Variants in PTPRB observed in about 807,000 individuals in gnomAD.
The protein encoded by PTPRB is receptor-type tyrosine-protein phosphatase beta.
A neutral mutation model predicts 238.1 loss-of-function variants in PTPRB; 97 were observed. The observed-to-expected ratio is 0.41, with a 90% CI of 0.35 to 0.48. The LOEUF (loss-of-function observed/expected upper bound fraction) is 0.48. Ranked by LOEUF, PTPRB falls within the 20% of genes least tolerant of loss-of-function variation. The pLI is 0.30. For synonymous variants in PTPRB, 970 were observed against 995.4 expected (o/e 0.97, Z 0.48); for missense variants, 2,292 against 2,681.9 (o/e 0.85, Z 3.21).
rs1260450175 is a variant in PTPRB, at chr12:70,519,678, T to G, written c.*1811A>C. On this transcript the variant is annotated 3_prime_UTR_variant, in exon 34 of 34. Coordinates refer to ENST00000334414, the MANE Select transcript of PTPRB (RefSeq NM_001109754.4). ...TCTAATGGATGCCACACGTTGTAGATCTCTGACCTCTATTTTCTCGCTGGT... is the reference window on the plus strand; with the variant it reads ...TCTAATGGATGCCACACGTTGTAGAGCTCTGACCTCTATTTTCTCGCTGGT... 2 of 152,320 alleles carry G rather than the reference T, an allele frequency of 1.3e-5. No individual in the cohort carries two copies. Among genetic ancestry groups the G allele is most frequent in the Non-Finnish European group, 2.9e-5 (2 of 68,120 alleles). The allele number at this position is 152,320 out of a possible 1,614,324, so 9.4% of individuals were successfully genotyped here. A position where few individuals can be genotyped will look rare whatever the true frequency, so the allele number is the denominator to read the frequency against.
At chr12:70,536,532 T>TAATC (rs766135101) in intron 28 of PTPRB, among the ~76,000 whole-genome samples, 1 of 152,208 alleles carries the variant, frequency 6.6e-6, no homozygotes, top group Non-Finnish European at 1.5e-5. Context: ...TCATTTTGGA[T>TAATC]AATCAATGTC....
intron 7 of PTPRB, among the ~76,000 whole-genome samples, chr12:70,590,682 TC>T (rs144367776): frequency 4.3e-4 from 65 of 150,954 alleles, no homozygotes; most frequent in African/African-American, 1.5e-3. Flanking sequence ...CATTTTTGGC[TC>T]TTTAAGTTCA....
At chr12:70,617,347 A>G (rs150583356) in intron 3 of PTPRB, among the ~76,000 whole-genome samples, 2 of 152,338 alleles carry the variant, frequency 1.3e-5, no homozygotes, top group African/African-American at 4.8e-5. Flanking sequence ...AGTTCTTTTG[A>G]AACGTATCCT....
Position 70,560,633 on chromosome 12 carries a change from C to T in PTPRB, c.4432+38G>A. ...CAAAATGTGTCTCTGGAAGCTACTT[C>T]CCACCATCCCTTGGCCATTGGCACC... On this transcript the variant is annotated intron_variant, in intron 17 of 33. Transcript: ENST00000334414. The surrounding 1 kb of genome is among the most constrained non-coding windows in gnomAD (Gnocchi z 4.2). 6.2e-7 allele frequency: 1 copy of T among 1,605,726 alleles called. No individual in the cohort carries two copies. Among genetic ancestry groups the T allele is most frequent in the African/African-American group, 1.3e-5 (1 of 74,750 alleles).
rs973626096 is a variant in PTPRB at position 70,534,926 on chromosome 12, G to GTCCGCTGGC, written c.6102_6110dup (p.Ala2036_Asp2037insGluProAla). The GTCCGCTGGC allele has an allele frequency of 4.3e-6, 7 of 1,613,668 alleles. No individual in the cohort carries two copies. In the African/African-American group the frequency reaches 9.3e-5, roughly 22 times the overall value. On this transcript the variant is annotated inframe_insertion, in exon 30 of 34. Coordinates refer to ENST00000334414, the MANE Select transcript of PTPRB (RefSeq NM_001109754.4). ...GGTCCCCATAGTAGAGGGAATCCTG[G>GTCCGCTGGC]TCCGCTGGCCAGTAATGATCACACT...
At position 70,576,675 on chromosome 12, in the gene PTPRB, G is replaced by GGC. The variant is rs1555230236; in HGVS notation, c.2579-31_2579-30insGC. On this transcript the variant is annotated intron_variant, in intron 10 of 33. Coordinates refer to ENST00000334414, the MANE Select transcript of PTPRB (RefSeq NM_001109754.4). ...GATTTTGAAAGGTGGGGGGCGGGGGGGGGGGGGAAGGGGGATTCAAAAAGA... is the reference window on the plus strand; with the variant it reads ...GATTTTGAAAGGTGGGGGGCGGGGGGGCGGGGGGGAAGGGGGATTCAAAAAGA... The GGC allele has an allele frequency of 1.1e-5, 3 of 267,186 alleles. 1 individual carries two copies. The highest frequency in any genetic ancestry group is 9.2e-5 in the African/African-American group (3 of 32,628). The allele number at this position is 267,186 out of a possible 1,614,324, so 16.6% of individuals were successfully genotyped here.
At chr12:70,526,337 G>T (rs560710279) in intron 32 of PTPRB, among the ~76,000 whole-genome samples, 1 of 152,130 alleles carries the variant, frequency 6.6e-6, no homozygotes, top group African/African-American at 2.4e-5. Flanking sequence ...TGAGTAGTTG[G>T]GATTATAGGT....
rs112670000 is a variant in PTPRB, at chr12:70,566,569, C to T, written c.3770G>A (p.Arg1257His). The T allele has an allele frequency of 5.6e-5, 90 of 1,613,808 alleles. No homozygotes were observed. Among genetic ancestry groups the T allele is most frequent in the African/African-American group, 9.3e-5 (7 of 74,878 alleles). The change falls in exon 15 of 34, where the codon CGC becomes CAC. Residue 1257 changes from arginine (R) to histidine (H), a missense_variant. Physicochemically the swap from Arg to His is conservative, Grantham distance 29 (BLOSUM62 0). Around this residue, in one of 4 missense-constraint regions of PTPRB, gnomAD observed 683 missense variants for 862.0 expected, o/e 0.79. Coordinates refer to ENST00000334414, the MANE Select transcript of PTPRB (RefSeq NM_001109754.4). The part of the protein sequence containing the change: ...LLLTENGILL[R>H]NTSEPATTKQ... ...AGTGGTGGCTGGCTCTGATGTGTTG[C>T]GCAGAAGGATTCCATTTTCAGTTAG...
rs1398363475 is a variant in PTPRB, at chr12:70,566,795, TAGA to T, written c.3635-94_3635-92del. 2.0e-5 allele frequency: 26 copies of T among 1,322,480 alleles called. 1 individual carries two copies. In the Admixed American group the frequency reaches 4.9e-4, roughly 25 times the overall value. 81.9% of individuals were successfully genotyped at this position (1,322,480 alleles called of 1,614,324 possible). On this transcript the variant is annotated intron_variant, in intron 14 of 33. Transcript: ENST00000334414. ...GAAAAACTCCTGAATCAACTGCAGG[TAGA>T]AGATGATGCATTTGCTTTATTTGTG...
intron 2 of PTPRB, among the ~76,000 whole-genome samples, chr12:70,629,728 G>T (rs1477257145): frequency 6.6e-6 from 1 of 151,688 alleles, no homozygotes; most frequent in Non-Finnish European, 1.5e-5. Flanking sequence ...AAACAGAGAA[G>T]AATCAAATAG....
intron 3 of PTPRB, among the ~76,000 whole-genome samples, chr12:70,621,583 T>C (rs1217182427): frequency 1.3e-5 from 2 of 152,214 alleles, no homozygotes; most frequent in Admixed American, 6.5e-5. Flanking sequence ...TAATGAAACA[T>C]GTGCTCACCA....
chr12:70,559,840 C>T (rs915306949), intron 17 of PTPRB, among the ~76,000 whole-genome samples: 55 of 118,024 alleles, frequency 4.7e-4, no homozygotes, highest in Middle Eastern at 4.5e-3. Flanking sequence ...TTTTTTTTCA[C>T]TTTTTTTTTT....
In PTPRB at chr12:70,539,836, T is replaced by C; in HGVS notation, c.5687A>G (p.Lys1896Arg). ...HLNLGQKGNR[K>R]TSCPIKINQF... ...GTGTTCTCTCTCTTACCAAGAAGTT[T>C]TCCGGTTACTGTGAAGAGAAGCCAA... The change falls in exon 25 of 34, where the codon AAA (lysine) becomes AGA (arginine). Residue 1896 changes from lysine to arginine, a missense_variant. Physicochemically the swap from Lys to Arg is conservative, Grantham distance 26. This residue lies in a region of PTPRB where 397 missense variants were observed against 502.0 expected (regional missense o/e 0.79). Transcript: ENST00000334414. 1 of 1,590,746 alleles carries C rather than the reference T, an allele frequency of 6.3e-7. No homozygotes were observed. The highest frequency in any genetic ancestry group is 8.6e-7 in the Non-Finnish European group (1 of 1,158,680).
At chr12:70,522,584 C>G (rs1871769983) in intron 33 of PTPRB, 1 of 152,126 alleles carries the variant, frequency 6.6e-6, no homozygotes, top group Admixed American at 6.6e-5. Flanking sequence ...GCAGGAGGAC[C>G]CTTCTAGTCA....
At chr12:70,530,775 G>A (rs139197696) in intron 32 of PTPRB, among the ~76,000 whole-genome samples, 253 of 152,282 alleles carry the variant, frequency 1.7e-3, no homozygotes, top group African/African-American at 5.4e-3. Context: ...ATGGGCTCTT[G>A]CTATGTGGCC....
Position 70,516,663 on chromosome 12 carries a change from A to C in PTPRB, c.*4826T>G, listed in dbSNP as rs1190030606. The C allele has an allele frequency of 6.6e-6, 1 of 152,226 alleles. No individual in the cohort carries two copies. The highest frequency in any genetic ancestry group is 2.4e-5 in the African/African-American group (1 of 41,468). The allele number at this position is 152,226 out of a possible 1,614,324, so 9.4% of individuals were successfully genotyped here. On this transcript the variant is annotated 3_prime_UTR_variant, in exon 34 of 34. Transcript: ENST00000334414. ...CTTGGGGTGAGGATATTATTTATTA[A>C]AATAGCTATAACCAATTCTTTTTGT...
At position 70,563,039 on chromosome 12, in the gene PTPRB, C is replaced by T. The variant is rs200923003; in HGVS notation, c.3973G>A (p.Ala1325Thr). Residue 1325 changes from alanine to threonine, a missense_variant, in exon 16 of 34, where the codon GCC (alanine) becomes ACC (threonine). Physicochemically the swap from Ala to Thr is moderately conservative, Grantham distance 58 (BLOSUM62 0). Transcript: ENST00000334414. ...STRHLSFRWT[A>T]SEGELSWYNI... ...TACCAGCTGAGCTCCCCCTCTGAGG[C>T]GGTCCAGCGGAAGGACAGGTGCCTG... 2.5e-5 allele frequency: 41 copies of T among 1,613,728 alleles called. No individual in the cohort carries two copies. Among genetic ancestry groups the T allele is most frequent in the African/African-American group, 5.3e-5 (4 of 74,902 alleles).
Position 70,538,928 on chromosome 12 carries a change from C to T in PTPRB, c.5865G>A (p.Leu1955=). 1 of 1,611,474 alleles carries T rather than the reference C, an allele frequency of 6.2e-7. No homozygotes were observed. Among genetic ancestry groups the T allele is most frequent in the Non-Finnish European group, 8.5e-7 (1 of 1,178,352 alleles). ...NRGKNRYNNI[L]PYDATRVKLS... is the part of the protein sequence containing the mutation. ...AAATTTTGACACAAAACTTACAGGG[C>T]AATATATTGTTGTATCGATTTTTCC... The change falls in exon 27 of 34, where the codon TTG becomes TTA. Residue 1955 remains leucine, a synonymous_variant. Coordinates refer to ENST00000334414, the MANE Select transcript of PTPRB (RefSeq NM_001109754.4).
Position 70,594,625 on chromosome 12 carries a change from A to G in PTPRB, c.1358T>C (p.Met453Thr), listed in dbSNP as rs776085240. ...AACTAGGATCCCTTTATCCATTAGC[A>G]TCAGCCGGTATCGTTCCACATTCCC... ...GSGNVERYRL[M>T]LMDKGILVHG... is the part of the protein sequence containing the mutation. Residue 453 changes from methionine (M) to threonine (T), a missense_variant, in exon 6 of 34, where the codon ATG becomes ACG. Transcript: ENST00000334414. The G allele has an allele frequency of 1.4e-5, 22 of 1,613,888 alleles. No individual in the cohort carries two copies. The highest frequency in any genetic ancestry group is 2.2e-5 in the South Asian group (2 of 91,080).
Sources: gnomAD v4.1 joint callset for allele counts (sites outside exome capture counted in the v4.1 genomes callset) on GRCh38, gnomAD v4.1.1 for gene constraint, gnomAD v4.1.1 regional missense constraint, Gnocchi (gnomAD v3.1) non-coding constraint, MANE v1.5 for transcripts, NCBI Gene and HGNC (gene_info 2026-07-23, HGNC 2026-07-21) for gene names.